The following SEC31A variants were observed in gnomAD, a reference collection of about 807,000 sequenced individuals.
SEC31A encodes SEC31 homolog A, COPII component, also known as protein transport protein Sec31A.
A neutral mutation model predicts 151.0 loss-of-function variants in SEC31A; 70 were observed. The ratio of observed to expected loss-of-function variants is 0.46; its 90% CI spans 0.38 to 0.57. The LOEUF (loss-of-function observed/expected upper bound fraction) is 0.57, where lower values mean the gene tolerates loss of function less well. SEC31A is among the 20% of genes least tolerant of loss of function. SEC31A has a pLI of 0.00. For missense variants in SEC31A, 1,330 were observed against 1,471.2 expected, an observed-to-expected ratio of 0.90 and a Z score of 1.57; for synonymous variants, 475 against 505.9, an observed-to-expected ratio of 0.94 and a Z score of 0.82.
intron 8 of SEC31A, among the ~76,000 whole-genome samples, chr4:82,869,541 A>G (rs546131679): frequency 4.7e-4 from 71 of 152,296 alleles, no homozygotes; most frequent in African/African-American, 1.2e-3. Flanking sequence ...TATATTACAG[A>G]GAAAATGATA....
At chr4:82,879,044 T>G in intron 3 of SEC31A, 116 bp from the exon 4 acceptor site, 1 of 717,644 alleles carries the variant, frequency 1.4e-6, no homozygotes, top group Non-Finnish European at 2.3e-6. Context: ...ATATATTACT[T>G]TCCCACCACT....
intron 22 of SEC31A, among the ~76,000 whole-genome samples, chr4:82,837,492 T>G (rs1727687219): frequency 6.6e-6 from 1 of 151,944 alleles, no homozygotes; most frequent in African/African-American, 2.4e-5. Context: ...CAAGCAATTC[T>G]CCCATCTCAG....
At chr4:82,885,747 T>A (rs1467382854) in intron 1 of SEC31A, among the ~76,000 whole-genome samples, 2 of 152,220 alleles carry the variant, frequency 1.3e-5, no homozygotes, top group Non-Finnish European at 2.9e-5. Context: ...GTATAATCAA[T>A]CCCTTACATT....
At chr4:82,892,381 T>C (rs1462636238), upstream of SEC31A, among the ~76,000 whole-genome samples, 2 of 152,250 alleles carry the variant, frequency 1.3e-5, no homozygotes, top group Non-Finnish European at 1.5e-5. Flanking sequence ...CAACTTTACC[T>C]TTTTACATTT....
chr4:82,870,828 C>G (rs766658061), intron 7 of SEC31A, among the ~76,000 whole-genome samples: 1 of 152,204 alleles, frequency 6.6e-6, no homozygotes, highest in South Asian at 2.1e-4. Context: ...CAATGTAGTG[C>G]AGTGTATGAC....
rs1735608379 is a variant in SEC31A, at chr4:82,867,214, T to G, written c.985A>C (p.Ser329Arg). 1.2e-6 allele frequency: 2 copies of G among 1,613,972 alleles called. No homozygotes were observed. The highest frequency in any genetic ancestry group is 1.7e-6 in the Non-Finnish European group (2 of 1,179,850). The part of the protein sequence containing the change: ...LSAASFDGRI[S>R]VYSIMGGSTD... ...CTACCTCCCATGATAGAATAAACAC[T>G]GATACGCCCATCAAACGAAGCAGCT... The change falls in exon 9 of 27, where the codon AGT becomes CGT. Residue 329 changes from serine (S) to arginine (R), a missense_variant. Transcript: ENST00000395310.
chr4:82,857,604 C>T lies in SEC31A; in HGVS notation c.1702+85G>A, dbSNP rs1732958723. ...TATAAGCATGCACCACAGCACCTGA[C>T]TTGAAGCATTTTAACTTAAATGCAG... On this transcript the variant is annotated intron_variant, in intron 15 of 26. Coordinates refer to ENST00000395310, the MANE Select transcript of SEC31A (RefSeq NM_001077207.4). 4.4e-5 allele frequency: 40 copies of T among 901,104 alleles called. 1 individual carries two copies. In the South Asian group the frequency reaches 5.4e-4, roughly 12 times the overall value. The allele number at this position is 901,104 out of a possible 1,614,324, so 55.8% of individuals were successfully genotyped here.
Position 82,880,811 on chromosome 4 carries a change from G to A in SEC31A, c.191C>T (p.Ser64Phe). Residue 64 changes from serine to phenylalanine, a missense_variant, in exon 3 of 27, where the codon TCC (serine) becomes TTC (phenylalanine). Physicochemically the swap from Ser to Phe is radical, Grantham distance 155. Coordinates refer to ENST00000395310, the MANE Select transcript of SEC31A (RefSeq NM_001077207.4). ...SLDMKSCATF[S>F]SSHRYHKLIW... ...CTGAACCTCATACCTGTGAGAAGAG[G>A]AGAATGTGGCACAAGATTTCATATC... The A allele has an allele frequency of 1.2e-6, 2 of 1,612,024 alleles. No individual in the cohort carries two copies. Among genetic ancestry groups the A allele is most frequent in the Non-Finnish European group, 1.7e-6 (2 of 1,178,948 alleles).
Position 82,867,180 on chromosome 4 carries a change from C to T in SEC31A, c.1019G>A (p.Gly340Asp), listed in dbSNP as rs372522204. 3 of 1,613,752 alleles carry T rather than the reference C, an allele frequency of 1.9e-6. No homozygotes were observed. The highest frequency in any genetic ancestry group is 1.3e-5 in the African/African-American group (1 of 74,914). Residue 340 changes from glycine (G) to aspartate (D), a missense_variant, in exon 9 of 27, where the codon GGT (glycine) becomes GAT (aspartate). Physicochemically the swap from Gly to Asp is moderately conservative, Grantham distance 94 (BLOSUM62 -1). Coordinates refer to ENST00000395310, the MANE Select transcript of SEC31A (RefSeq NM_001077207.4). ...VYSIMGGSTD[G>D]LRQKQVDKLS... ...CTTGTCAACTTGTTTCTGTCTTAAA[C>T]CATCTGTGCTACCTCCCATGATAGA...
chr4:82,850,041 C>G (rs746596302), intron 19 of SEC31A, among the ~76,000 whole-genome samples: 1 of 151,176 alleles, frequency 6.6e-6, no homozygotes, highest in Admixed American at 6.6e-5. Flanking sequence ...CCAAAAAAGG[C>G]AGGGTCTACT....
chr4:82,862,611 C>G lies in SEC31A; in HGVS notation c.1510-39G>C, dbSNP rs1444789342. ...AACAGCTCACCTACTACATGGAATT[C>G]TATTTCAGAGCATCCAGCAAATGTT... On this transcript the variant is annotated intron_variant, in intron 12 of 26. Coordinates refer to ENST00000395310, the MANE Select transcript of SEC31A (RefSeq NM_001077207.4). 2.5e-6 allele frequency: 4 copies of G among 1,578,360 alleles called. No homozygotes were observed. The African/African-American group carries it at 5.4e-5, about 21-fold the overall frequency.
chr4:82,879,738 T>C (rs1738846769), intron 3 of SEC31A, among the ~76,000 whole-genome samples: 1 of 152,184 alleles, frequency 6.6e-6, no homozygotes, highest in Admixed American at 6.5e-5. Flanking sequence ...TGCTAATATA[T>C]TGAGGCAATA....
chr4:82,823,544 G>C (rs1291152200), intron 25 of SEC31A, among the ~76,000 whole-genome samples: 4 of 152,196 alleles, frequency 2.6e-5, no homozygotes, highest in African/African-American at 4.8e-5. Context: ...ATAAGATCTA[G>C]AAGATGTTTT....
At chr4:82,857,813 T>C (rs1733019638) in intron 14 of SEC31A, 49 bp from the exon 15 acceptor site, 1 of 1,193,352 alleles carries the variant, frequency 8.4e-7, no homozygotes, top group Admixed American at 1.9e-5. Context: ...AACTGTGGAA[T>C]GATTTACTGA....
intron 18 of SEC31A, 72 bp downstream of exon 18, chr4:82,853,498 A>G (rs764755054): frequency 6.1e-4 from 775 of 1,277,860 alleles, no homozygotes; most frequent in Non-Finnish European, 7.6e-4. Context: ...GAACTTATAG[A>G]TTATAACTTG....
intron 22 of SEC31A, among the ~76,000 whole-genome samples, chr4:82,833,479 T>G (rs1043027853): frequency 2.2e-4 from 33 of 149,762 alleles, no homozygotes; most frequent in African/African-American, 7.9e-4. Flanking sequence ...CAAACCACCA[T>G]GGCACATGTA....
intron 16 of SEC31A, among the ~76,000 whole-genome samples, chr4:82,856,698 T>C (rs955619262): frequency 2.6e-5 from 4 of 151,934 alleles, no homozygotes; most frequent in African/African-American, 4.8e-5. Context: ...TTGCAGTGAG[T>C]CAAGATCACG....
intron 8 of SEC31A, among the ~76,000 whole-genome samples, chr4:82,867,928 C>T (rs971371668): frequency 5.9e-5 from 9 of 152,238 alleles, no homozygotes; most frequent in East Asian, 1.9e-4. Flanking sequence ...CCACCGCACC[C>T]GGCCTAGGGC....
intron 22 of SEC31A, among the ~76,000 whole-genome samples, chr4:82,831,962 T>A (rs1393769831): frequency 6.6e-6 from 1 of 152,148 alleles, no homozygotes; most frequent in Non-Finnish European, 1.5e-5. Context: ...AGAATCAGTA[T>A]CGTGAAAATG....
Sources: allele counts gnomAD v4.1 joint callset (sites outside exome capture counted in the v4.1 genomes callset), GRCh38; gene constraint gnomAD v4.1.1; transcripts MANE v1.5; gene names NCBI Gene and HGNC (gene_info 2026-07-23, HGNC 2026-07-21).